Variants in RHEB observed in about 807,000 individuals in gnomAD.
RHEB encodes the protein GTP-binding protein Rheb.
A neutral mutation model predicts 28.8 loss-of-function variants in RHEB; 2 were observed. The ratio of observed to expected loss-of-function variants is 0.07; its 90% confidence interval spans 0.03 to 0.22. RHEB has a LOEUF of 0.22. Ranked by LOEUF, RHEB falls within the 10% of genes least tolerant of loss-of-function variation. The pLI, the probability that RHEB is intolerant of heterozygous loss-of-function variation, is 1.00. For synonymous variants in RHEB, 69 were observed against 77.3 expected (o/e 0.89, Z 0.56); for missense variants, 76 against 219.9 (o/e 0.35, Z 4.14).
chr7:151,480,857 T>C (rs1802371452), intron 3 of RHEB, among the ~76,000 whole-genome samples: 1 of 152,138 alleles, frequency 6.6e-6, no homozygotes, highest in Non-Finnish European at 1.5e-5. Flanking sequence ...GCTAATTTTG[T>C]AGTTTTAGTA....
intron 1 of RHEB, among the ~76,000 whole-genome samples, chr7:151,509,708 T>C (rs1357662384): frequency 2.0e-5 from 3 of 152,226 alleles, no homozygotes; most frequent in Non-Finnish European, 4.4e-5. Flanking sequence ...TGTTTTGGTT[T>C]TGTACAGTCT....
intron 6 of RHEB, among the ~76,000 whole-genome samples, chr7:151,470,947 T>C (rs905437919): frequency 6.6e-6 from 1 of 152,268 alleles, no homozygotes; most frequent in African/African-American, 2.4e-5. Flanking sequence ...TTGACTATTT[T>C]ACAGCTAGGT....
intron 1 of RHEB, among the ~76,000 whole-genome samples, chr7:151,516,537 C>T (rs982427646): frequency 1.4e-5 from 2 of 143,234 alleles, no homozygotes; most frequent in East Asian, 2.2e-4. Flanking sequence ...GCAGGAGAAT[C>T]GGTTGAACCT....
intron 2 of RHEB, among the ~76,000 whole-genome samples, chr7:151,487,325 A>T (rs1045594947): frequency 6.6e-6 from 1 of 152,210 alleles, no homozygotes; most frequent in Non-Finnish European, 1.5e-5. Context: ...AAATTATAAA[A>T]TAAAGCCCAG....
At chr7:151,508,366 C>T (rs776901141) in intron 1 of RHEB, among the ~76,000 whole-genome samples, 39 of 152,126 alleles carry the variant, frequency 2.6e-4, no homozygotes, top group Admixed American at 6.5e-5. Flanking sequence ...TCATTATCAA[C>T]ACCAATTCAC....
intron 1 of RHEB, chr7:151,502,951 T>C (rs1201560935): frequency 3.8e-6 from 3 of 785,612 alleles, no homozygotes; most frequent in Non-Finnish European, 4.7e-6. Context: ...ATGGATTCAA[T>C]CAAGCTACTG....
At chr7:151,475,727 ATACAT>A (rs1400291266) in intron 4 of RHEB, among the ~76,000 whole-genome samples, 1 of 152,254 alleles carries the variant, frequency 6.6e-6, no homozygotes, top group Non-Finnish European at 1.5e-5. Flanking sequence ...ATATAAATAA[ATACAT>A]TAAACAGGAA....
intron 1 of RHEB, among the ~76,000 whole-genome samples, chr7:151,494,547 G>A (rs761290670): frequency 5.3e-5 from 8 of 152,284 alleles, no homozygotes; most frequent in East Asian, 1.9e-4. Context: ...TAATCATTCC[G>A]GTAACAGACA....
intron 3 of RHEB, among the ~76,000 whole-genome samples, chr7:151,479,275 C>G (rs1178629098): frequency 1.3e-5 from 2 of 152,056 alleles, no homozygotes; most frequent in African/African-American, 2.4e-5. Flanking sequence ...AATGGCTAAG[C>G]TGGAACTCCA....
At chr7:151,484,389 T>C (rs943722486) in intron 3 of RHEB, among the ~76,000 whole-genome samples, 37 of 152,208 alleles carry the variant, frequency 2.4e-4, no homozygotes, top group African/African-American at 7.5e-4. Context: ...AAACAAGTTA[T>C]TAAAAGATAA....
intron 1 of RHEB, among the ~76,000 whole-genome samples, chr7:151,517,369 G>GAAAAAAAAAAAAA (rs1563103629): frequency 1.9e-5 from 1 of 52,050 alleles, no homozygotes; most frequent in African/African-American, 4.1e-5. Flanking sequence ...ACTCCGTCTC[G>GAAAAAAAAAAAAA]GAAAAAAAAA....
At chr7:151,496,159 T>C (rs1398582071) in intron 1 of RHEB, among the ~76,000 whole-genome samples, 1 of 152,210 alleles carries the variant, frequency 6.6e-6, no homozygotes, top group African/African-American at 2.4e-5. Flanking sequence ...TTAAGGGGCT[T>C]TGATGACCAT....
rs1563089783 is a variant in RHEB at position 151,467,228 on chromosome 7, AC to A, written c.463-18del. The A allele has an allele frequency of 3.8e-6, 6 of 1,580,032 alleles. No individual in the cohort carries two copies. The highest frequency in any genetic ancestry group is 8.7e-7 in the Non-Finnish European group (1 of 1,149,136). ...CACAGCAGTCTGAAAAGAGAAAGAA[AC>A]CCAATCACAGTGTTAGTGTGAAGCC... On this transcript the variant is annotated intron_variant, in intron 7 of 7. Coordinates refer to ENST00000262187, the MANE Select transcript of RHEB (RefSeq NM_005614.4).
At chr7:151,518,021 C>T (rs1296822796) in intron 1 of RHEB, 1 of 151,784 alleles carries the variant, frequency 6.6e-6, no homozygotes, top group African/African-American at 2.4e-5. Flanking sequence ...GGCTGGATCC[C>T]AGGTTCCATG....
At chr7:151,480,592 T>C (rs1468046843) in intron 3 of RHEB, among the ~76,000 whole-genome samples, 1 of 152,162 alleles carries the variant, frequency 6.6e-6, no homozygotes, top group Non-Finnish European at 1.5e-5. Flanking sequence ...GCATTACACC[T>C]ATTTTTTAAA....
chr7:151,502,705 G>C, intron 1 of RHEB: 1 of 1,606,992 alleles, frequency 6.2e-7, no homozygotes, highest in South Asian at 1.1e-5. Context: ...ATTCACTGTG[G>C]ATCTCCCAAA....
intron 1 of RHEB, among the ~76,000 whole-genome samples, chr7:151,497,466 C>T (rs1584860865): frequency 6.6e-6 from 1 of 152,212 alleles, no homozygotes; most frequent in East Asian, 1.9e-4. Flanking sequence ...CACCTATCGC[C>T]TCCAGAGTGT....
In RHEB at chr7:151,466,267, A is replaced by G. The variant is rs1308531046; in HGVS notation, c.*852T>C. The G allele has an allele frequency of 6.6e-6, 1 of 152,246 alleles. No homozygotes were observed. Among genetic ancestry groups the G allele is most frequent in the East Asian group, 1.9e-4 (1 of 5,196 alleles). 9.4% of individuals were successfully genotyped at this position (152,246 alleles called of 1,614,324 possible). A position where few individuals can be genotyped will look rare whatever the true frequency, so the allele number is the denominator to read the frequency against. ...TCCCAAGACTCTGACACAGAACACT[A>G]AACTCCAGGGTGTTCTAGGACAGTG... On this transcript the variant is annotated 3_prime_UTR_variant, in exon 8 of 8. Transcript: ENST00000262187.
At chr7:151,507,215 G>A (rs186310838) in intron 1 of RHEB, among the ~76,000 whole-genome samples, 8 of 152,260 alleles carry the variant, frequency 5.3e-5, no homozygotes, top group African/African-American at 1.7e-4. Context: ...ACAATGAACC[G>A]CATAAAGGTT....
Sources: allele counts gnomAD v4.1 joint callset (sites outside exome capture counted in the v4.1 genomes callset), GRCh38; gene constraint gnomAD v4.1.1; transcripts MANE v1.5; gene names NCBI Gene and HGNC (gene_info 2026-07-23, HGNC 2026-07-21).